TRPM8: variants seen among roughly 807,000 people sequenced by gnomAD.
TRPM8 encodes TRPM8 cationic channel.
TRPM8 carries 110 observed loss-of-function variants against 133.7 expected under a neutral mutation model. The observed-to-expected ratio is 0.82, with a 90% CI of 0.70 to 0.96. The LOEUF is 0.96. Among genes scored for constraint, TRPM8 ranks in the 40% least tolerant of loss-of-function variants. The pLI is 0.00. For synonymous variants in TRPM8, 535 were observed against 532.3 expected, an observed-to-expected ratio of 1.01 and a Z score of -0.07; for missense variants, 1,291 against 1,379.5, an observed-to-expected ratio of 0.94 and a Z score of 1.02.
intron 20 of TRPM8, among the ~76,000 whole-genome samples, chr2:233,984,391 G>C (rs767701333): frequency 2.0e-5 from 3 of 152,130 alleles, no homozygotes; most frequent in Non-Finnish European, 4.4e-5. Context: ...AAAGGGTCTT[G>C]ATGCCCACTT....
intron 3 of TRPM8, among the ~76,000 whole-genome samples, chr2:233,937,140 C>A (rs1014212884): frequency 2.0e-5 from 3 of 152,128 alleles, no homozygotes; most frequent in African/African-American, 7.2e-5. Flanking sequence ...AAGTTATCCG[C>A]CCACCTCACT....
intron 17 of TRPM8, among the ~76,000 whole-genome samples, chr2:233,979,734 C>T (rs556861396): frequency 2.0e-5 from 3 of 152,106 alleles, no homozygotes; most frequent in African/African-American, 7.2e-5. Flanking sequence ...AAAAAGATTT[C>T]TTTTAATCAA....
At chr2:233,963,435 C>G (rs1687794223) in intron 13 of TRPM8, 58 bp downstream of exon 13, 1 of 1,065,842 alleles carries the variant, frequency 9.4e-7, no homozygotes, top group Non-Finnish European at 1.4e-6. Flanking sequence ...TATAACAGTT[C>G]TGATCCTCTC....
rs145264391 is a variant in TRPM8, at chr2:233,985,870, G to A, written c.2939+5G>A. 35 of 1,609,066 alleles carry A rather than the reference G, an allele frequency of 2.2e-5. 1 individual carries two copies. In the Middle Eastern group the frequency reaches 4.9e-4, roughly 23 times the overall value. The stretch of plus-strand genomic sequence containing the variant: ...CCTGCTGGTCGCCATGTTTGGGTAT[G>A]TGTTCAGTCACATGTTCACTGATGT... On this transcript the variant is annotated splice_donor_5th_base_variant and intron_variant, in intron 21 of 25. Coordinates refer to ENST00000324695, the MANE Select transcript of TRPM8 (RefSeq NM_024080.5).
At chr2:234,012,045 A>C (rs1196288729) in intron 24 of TRPM8, among the ~76,000 whole-genome samples, 2 of 151,246 alleles carry the variant, frequency 1.3e-5, no homozygotes, top group African/African-American at 4.9e-5. Context: ...GATTGTTTTC[A>C]TAATTTCCCT....
intron 17 of TRPM8, 181 bp from the exon 18 acceptor site, chr2:233,980,007 T>C: frequency 1.7e-6 from 1 of 599,270 alleles, no homozygotes; most frequent in Non-Finnish European, 2.9e-6. Context: ...GCTACCTACT[T>C]TCCAATCCTC....
intron 22 of TRPM8, among the ~76,000 whole-genome samples, chr2:234,001,810 C>T (rs914284375): frequency 1.3e-5 from 2 of 152,164 alleles, no homozygotes; most frequent in African/African-American, 4.8e-5. Context: ...GGAGCTGGAC[C>T]AGAGGTGACG....
intron 25 of TRPM8, 130 bp downstream of exon 25, chr2:234,014,784 C>CA (rs11422376): frequency 0.37 from 126,657 of 338,856 alleles, 13,541 homozygotes; most frequent in East Asian, 0.47. Context: ...ATGCATTGTG[C>CA]AAAAAAAAAA....
In TRPM8 at chr2:233,955,118, C is replaced by A. The variant is rs1241159287; in HGVS notation, c.1244-14C>A. On this transcript the variant is annotated splice_polypyrimidine_tract_variant and intron_variant, in intron 10 of 25. Transcript: ENST00000324695. Reference sequence around the variant, plus strand: ...AGCCTTTGGTGAGTTGAGTCTTTTCCTGCCCTCTCACAGCCTTCAGCACCA... The same window carrying A: ...AGCCTTTGGTGAGTTGAGTCTTTTCATGCCCTCTCACAGCCTTCAGCACCA... The A allele has an allele frequency of 1.2e-6, 2 of 1,602,132 alleles. No homozygotes were observed.
chr2:233,926,405 A>T lies in TRPM8; in HGVS notation c.-5-128A>T, dbSNP rs1691516299. On this transcript the variant is annotated intron_variant, in intron 1 of 25. Transcript: ENST00000324695. ...AGGCACAATGACCATGGTGGGCCGA[A>T]TGGAGCATGGGACATTGCACGTGGC... is the stretch of plus-strand genomic sequence containing the variant. The T allele has an allele frequency of 1.7e-5, 12 of 709,510 alleles. No individual in the cohort carries two copies. In the South Asian group the frequency reaches 2.0e-4, roughly 12 times the overall value. The allele number at this position is 709,510 out of a possible 1,614,324, so 44.0% of individuals were successfully genotyped here.
intron 1 of TRPM8, among the ~76,000 whole-genome samples, chr2:233,922,258 C>A (rs1456318159): frequency 6.6e-6 from 1 of 151,954 alleles, no homozygotes; most frequent in Non-Finnish European, 1.5e-5. Flanking sequence ...CTTCACTTTT[C>A]CCCTTGGCAT....
intron 5 of TRPM8, among the ~76,000 whole-genome samples, chr2:233,942,036 G>T (rs1690916240): frequency 6.7e-6 from 1 of 149,610 alleles, no homozygotes; most frequent in Non-Finnish European, 1.5e-5. Context: ...CTCCCAGAGA[G>T]CCTGATGAGG....
Position 234,008,056 on chromosome 2 carries a change from T to C in TRPM8, c.3231-14T>C. Reference sequence around the variant, plus strand: ...TTCTCTTGTTCACTTTCTTTTTCATTAACTTCTTTGCAGAATGAGGCATCG... The same window carrying C: ...TTCTCTTGTTCACTTTCTTTTTCATCAACTTCTTTGCAGAATGAGGCATCG... On this transcript the variant is annotated splice_polypyrimidine_tract_variant and intron_variant, in intron 23 of 25. Transcript: ENST00000324695. The C allele has an allele frequency of 6.2e-7, 1 of 1,609,224 alleles. No individual in the cohort carries two copies. Among genetic ancestry groups the C allele is most frequent in the Non-Finnish European group, 8.5e-7 (1 of 1,178,822 alleles).
At chr2:233,945,393 A>G (rs2125113037) in intron 6 of TRPM8, among the ~76,000 whole-genome samples, 3 of 152,308 alleles carry the variant, frequency 2.0e-5, no homozygotes, top group Middle Eastern at 6.8e-3. Flanking sequence ...TCTAATCCCT[A>G]GATCCTGGCA....
chr2:233,958,422 C>T (rs17864749), intron 11 of TRPM8, among the ~76,000 whole-genome samples: 6,401 of 152,174 alleles, frequency 0.042, 147 homozygotes, highest in East Asian at 0.052. Context: ...GGACTGGTGG[C>T]GGCCTGGGAA....
In TRPM8 at chr2:233,947,139, GA is replaced by G; in HGVS notation, c.930del (p.Glu311ArgfsTer3). The G allele has an allele frequency of 6.2e-7, 1 of 1,613,970 alleles. No homozygotes were observed. The highest frequency in any genetic ancestry group is 8.5e-7 in the Non-Finnish European group (1 of 1,179,960). Reference sequence around the variant, plus strand: ...ATTGTGTGTTTTGCCCAAGGAGGTGGAAAAGAGACTTTGAAAGTGAGTCCTG... The same window carrying G: ...ATTGTGTGTTTTGCCCAAGGAGGTGGAAAGAGACTTTGAAAGTGAGTCCTG... Reference protein sequence around the residue: ...IPIVCFAQGGGKETLKAINTS... With the variant: ...IPIVCFAQGGXKETLKAINTS... On this transcript the variant is annotated frameshift_variant, in exon 8 of 26. Coordinates refer to ENST00000324695, the MANE Select transcript of TRPM8 (RefSeq NM_024080.5). LOFTEE classifies it high-confidence loss of function.
intron 8 of TRPM8, among the ~76,000 whole-genome samples, chr2:233,948,210 C>T (rs1250653127): frequency 6.6e-6 from 1 of 152,202 alleles, no homozygotes; most frequent in African/African-American, 2.4e-5. Flanking sequence ...GTAACAATGG[C>T]TGTTTTCTTC....
At chr2:233,996,754 G>A (rs1262556222) in intron 22 of TRPM8, among the ~76,000 whole-genome samples, 5 of 152,182 alleles carry the variant, frequency 3.3e-5, no homozygotes. Flanking sequence ...ATGACTTTTG[G>A]ACAGATCGTG....
intron 18 of TRPM8, among the ~76,000 whole-genome samples, chr2:233,981,441 C>T (rs1166932692): frequency 1.3e-5 from 2 of 152,054 alleles, no homozygotes; most frequent in Non-Finnish European, 1.5e-5. Context: ...GGGTTGGCAT[C>T]GTTATAGAAG....
Sources: gnomAD v4.1 joint callset for allele counts (sites outside exome capture counted in the v4.1 genomes callset) on GRCh38, gnomAD v4.1.1 for gene constraint, MANE v1.5 for transcripts, NCBI Gene and HGNC (gene_info 2026-07-23, HGNC 2026-07-21) for gene names.